Variants in ARHGAP31 observed in about 807,000 individuals in gnomAD.
ARHGAP31 encodes Rho GTPase activating protein 31.
ARHGAP31 carries 34 observed loss-of-function variants against 113.9 expected under a neutral mutation model. The ratio of observed to expected loss-of-function variants is 0.30; its 90% CI spans 0.23 to 0.40. The LOEUF is 0.40. ARHGAP31 is among the 10% of genes least tolerant of loss of function. The pLI is 1.00. For missense variants in ARHGAP31, 1,548 were observed against 1,767.1 expected (o/e 0.88, Z 2.22); for synonymous variants, 650 against 684.8 (o/e 0.95, Z 0.79).
At chr3:119,333,759 A>G (rs1259995357) in intron 1 of ARHGAP31, among the ~76,000 whole-genome samples, 1 of 152,214 alleles carries the variant, frequency 6.6e-6, no homozygotes, top group Non-Finnish European at 1.5e-5. Context: ...TCACCGTTTT[A>G]TTCCTTTCTT....
chr3:119,397,651 G>T (rs2080564319), intron 8 of ARHGAP31, among the ~76,000 whole-genome samples: 1 of 152,240 alleles, frequency 6.6e-6, no homozygotes. Context: ...AAAGAGAGAA[G>T]CCTCAAGCTG....
chr3:119,311,582 C>T (rs35807235), intron 1 of ARHGAP31, among the ~76,000 whole-genome samples: 2,628 of 152,310 alleles, frequency 0.017, 36 homozygotes, highest in Non-Finnish European at 0.031. Context: ...CAACAAACCA[C>T]AGTTTGTTTT....
intron 1 of ARHGAP31, among the ~76,000 whole-genome samples, chr3:119,337,936 C>T (rs2079973389): frequency 6.6e-6 from 1 of 152,168 alleles, no homozygotes; most frequent in South Asian, 2.1e-4. Flanking sequence ...GTGCTATGAA[C>T]ATTTGGGTAC....
intron 1 of ARHGAP31, chr3:119,329,794 T>C (rs949914436): frequency 3.0e-6 from 3 of 985,392 alleles, no homozygotes; most frequent in Non-Finnish European, 3.6e-6. Flanking sequence ...GGACAGACTG[T>C]TCTGTGACTG....
intron 1 of ARHGAP31, among the ~76,000 whole-genome samples, chr3:119,336,367 G>C (rs1010006612): frequency 8.6e-5 from 13 of 151,566 alleles, no homozygotes; most frequent in African/African-American, 2.9e-4. Context: ...ATTTACATCA[G>C]CCAGTCGCTA....
rs1046686426 is a variant in ARHGAP31, at chr3:119,418,398, T to C, written c.*2134T>C. Reference sequence around the variant, plus strand: ...AGTACATTCCTGCCTTATCAGAAAATGTGTCAGACAGGTTTTATGTCAGCC... The same window carrying C: ...AGTACATTCCTGCCTTATCAGAAAACGTGTCAGACAGGTTTTATGTCAGCC... On this transcript the variant is annotated 3_prime_UTR_variant, in exon 12 of 12. Coordinates refer to ENST00000264245, the MANE Select transcript of ARHGAP31 (RefSeq NM_020754.4). The C allele has an allele frequency of 1.3e-5, 2 of 152,166 alleles. No homozygotes were observed. The highest frequency in any genetic ancestry group is 4.8e-5 in the African/African-American group (2 of 41,430). The allele number at this position is 152,166 out of a possible 1,614,324, so 9.4% of individuals were successfully genotyped here.
chr3:119,385,611 TG>T (rs1332924210), intron 6 of ARHGAP31, among the ~76,000 whole-genome samples: 19 of 152,206 alleles, frequency 1.2e-4, no homozygotes, highest in African/African-American at 4.6e-4. Flanking sequence ...AAAAATTTAT[TG>T]GGGATTTACT....
chr3:119,307,939 G>GAAAAAAAAAAAAAAAAAA (rs1559961514), intron 1 of ARHGAP31, among the ~76,000 whole-genome samples: 1 of 1,640 alleles, frequency 6.1e-4, no homozygotes. Context: ...TGAATTAACA[G>GAAAAAAAAAAAAAAAAAA]CAAAAAAAAA....
intron 1 of ARHGAP31, among the ~76,000 whole-genome samples, chr3:119,307,452 G>A (rs528578596): frequency 6.6e-6 from 1 of 152,266 alleles, no homozygotes; most frequent in East Asian, 1.9e-4. Context: ...AGAAAGCTGA[G>A]AACAAATATT....
At chr3:119,383,013 C>G in intron 5 of ARHGAP31, 71 bp from the exon 6 acceptor site, 4 of 1,577,244 alleles carry the variant, frequency 2.5e-6, no homozygotes, top group Admixed American at 1.7e-5. Flanking sequence ...GCAAAAGGCC[C>G]ACTGGCTCCT....
intron 1 of ARHGAP31, among the ~76,000 whole-genome samples, chr3:119,361,474 C>T (rs1390753566): frequency 1.3e-5 from 2 of 151,770 alleles, no homozygotes; most frequent in Non-Finnish European, 2.9e-5. Context: ...CTCTGCCTCC[C>T]AGGTTCAAGT....
At chr3:119,382,198 G>A (rs1288846493) in intron 4 of ARHGAP31, 94 bp from the exon 5 acceptor site, 4 of 1,135,954 alleles carry the variant, frequency 3.5e-6, no homozygotes, top group Non-Finnish European at 5.4e-6. Flanking sequence ...AATATTTAGA[G>A]TCTCTTAAAT....
At chr3:119,322,800 G>A (rs1559966399) in intron 1 of ARHGAP31, 1 of 153,278 alleles carries the variant, frequency 6.5e-6, no homozygotes. Flanking sequence ...TCCTGTTGCG[G>A]GGCACCAGGT....
chr3:119,333,891 A>G (rs981837867), intron 1 of ARHGAP31, among the ~76,000 whole-genome samples: 4 of 152,238 alleles, frequency 2.6e-5, no homozygotes, highest in African/African-American at 4.8e-5. Flanking sequence ...TAAGCTGCCA[A>G]TCCTGCTCAT....
At chr3:119,299,153 C>T (rs1248644788) in intron 1 of ARHGAP31, 1 of 151,852 alleles carries the variant, frequency 6.6e-6, no homozygotes, top group Non-Finnish European at 1.5e-5. Context: ...TTAGAATTAC[C>T]TGACAGCTTT....
At chr3:119,333,061 C>T (rs1213295328) in intron 1 of ARHGAP31, among the ~76,000 whole-genome samples, 1 of 152,234 alleles carries the variant, frequency 6.6e-6, no homozygotes, top group Non-Finnish European at 1.5e-5. Flanking sequence ...AGAGCCCAGG[C>T]TCATCAGATC....
At position 119,414,710 on chromosome 3, in the gene ARHGAP31, C is replaced by A. The variant is rs1299800217; in HGVS notation, c.2781C>A (p.His927Gln). Residue 927 changes from histidine (H) to glutamine (Q), a missense_variant, in exon 12 of 12, where the codon CAC becomes CAA. Coordinates refer to ENST00000264245, the MANE Select transcript of ARHGAP31 (RefSeq NM_020754.4). The part of the protein sequence containing the change: ...PLHSPTLKDA[H>Q]KAQVQGLQGH... ...ACTCTCCCACCCTGAAAGACGCGCACAAGGCCCAGGTACAGGGCCTTCAGG... is the reference window on the plus strand; with the variant it reads ...ACTCTCCCACCCTGAAAGACGCGCAAAAGGCCCAGGTACAGGGCCTTCAGG... 6.2e-7 allele frequency: 1 copy of A among 1,614,192 alleles called. No individual in the cohort carries two copies. Among genetic ancestry groups the A allele is most frequent in the South Asian group, 1.1e-5 (1 of 91,084 alleles).
Position 119,415,845 on chromosome 3 carries a change from C to G in ARHGAP31, c.3916C>G (p.Gln1306Glu). The G allele has an allele frequency of 6.2e-7, 1 of 1,614,202 alleles. No individual in the cohort carries two copies. Residue 1306 changes from glutamine (Q) to glutamate (E), a missense_variant, in exon 12 of 12, where the codon CAA (glutamine) becomes GAA (glutamate). Gln to Glu is a conservative substitution (Grantham distance 29). Transcript: ENST00000264245. ...GCTCTCCACCCAGGATGCAGTAGTG[C>G]AATGCAGAAAGCGCATGTCAGAGAC... ...NLLSTQDAVV[Q>E]CRKRMSETEP...
At chr3:119,388,431 G>T (rs115846058) in intron 6 of ARHGAP31, among the ~76,000 whole-genome samples, 1 of 151,948 alleles carries the variant, frequency 6.6e-6, no homozygotes, top group East Asian at 1.9e-4. Context: ...GCGAAGAGAC[G>T]GGTTTGTTCT....
Sources: gnomAD v4.1 joint callset for allele counts (sites outside exome capture counted in the v4.1 genomes callset) on GRCh38, gnomAD v4.1.1 for gene constraint, MANE v1.5 for transcripts, NCBI Gene and HGNC (gene_info 2026-07-23, HGNC 2026-07-21) for gene names.